RYR1: variants seen among roughly 807,000 people sequenced by gnomAD.
The protein encoded by RYR1 is central core disease of muscle.
In RYR1, 342 loss-of-function variants were observed where a neutral mutation model predicts 583.5. That is an observed-to-expected ratio of 0.59 (90% CI 0.54 to 0.64). The LOEUF is 0.64. Among genes scored for constraint, RYR1 ranks in the 30% least tolerant of loss-of-function variants. The probability of loss-of-function intolerance (pLI) is 0.00; values close to 1 mark genes in which losing one functional copy is unlikely to be tolerated. For synonymous variants in RYR1, 2,791 were observed against 2,822.5 expected (o/e 0.99, Z 0.35); for missense variants, 6,032 against 6,917.2 (o/e 0.87, Z 4.54).
chr19:38,485,282 G>T (rs568931909), intron 33 of RYR1, among the ~76,000 whole-genome samples: 1 of 152,190 alleles, frequency 6.6e-6, no homozygotes, highest in South Asian at 2.1e-4. Flanking sequence ...GGGACTTCCA[G>T]AACCATTGAA....
In RYR1 at chr19:38,502,383, G is replaced by A. The variant is rs1186858450; in HGVS notation, c.7615-124G>A. 1.2e-5 allele frequency: 10 copies of A among 864,882 alleles called. No individual in the cohort carries two copies. The South Asian group carries it at 1.3e-4, about 11-fold the overall frequency. 53.6% of individuals were successfully genotyped at this position (864,882 alleles called of 1,614,324 possible). A position where few individuals can be genotyped will look rare whatever the true frequency, so the allele number is the denominator to read the frequency against. On this transcript the variant is annotated intron_variant, in intron 47 of 105. Transcript: ENST00000359596. The stretch of plus-strand genomic sequence containing the variant: ...GGGTGGGAGGAGGGTGGTAGAGATT[G>A]GGAGGAGCAGGTTTTGGGGGAGTCA...
rs1193395241 is a variant in RYR1 at position 38,561,198 on chromosome 19, A to G, written c.12368A>G (p.Asn4123Ser). 1.2e-6 allele frequency: 2 copies of G among 1,614,076 alleles called. No homozygotes were observed. The highest frequency in any genetic ancestry group is 1.3e-5 in the African/African-American group (1 of 74,932). ...CSEADENEMI[N>S]CEEFANRFQE... ...GAAGCGGATGAGAACGAAATGATCAACTGCGAAGAGTTCGCCAACCGCTTC... is the reference window on the plus strand; with the variant it reads ...GAAGCGGATGAGAACGAAATGATCAGCTGCGAAGAGTTCGCCAACCGCTTC... Residue 4123 changes from asparagine (N) to serine (S), a missense_variant, in exon 90 of 106, where the codon AAC (asparagine) becomes AGC (serine). By Grantham distance (46) the Asn-to-Ser change is conservative. Transcript: ENST00000359596. This position sits in a 1 kb window ranked among gnomAD's most constrained non-coding sequence, Gnocchi z 4.8.
chr19:38,570,502 A>C, intron 93 of RYR1, 105 bp from the exon 94 acceptor site: 1 of 766,872 alleles, frequency 1.3e-6, no homozygotes, highest in Middle Eastern at 2.9e-4. Flanking sequence ...TGTAGGAAAG[A>C]TATTGAGAGC....
Position 38,455,446 on chromosome 19 carries a change from C to A in RYR1, c.1577-5C>A, listed in dbSNP as rs778100574. ...TATTGGATCTGACACCTCTTCCCCC[C>A]TCAGCTTCTCTAATCCGTGGCAATC... On this transcript the variant is annotated splice_region_variant and splice_polypyrimidine_tract_variant and intron_variant, in intron 14 of 105. Coordinates refer to ENST00000359596, the MANE Select transcript of RYR1 (RefSeq NM_000540.3). 1 of 1,614,204 alleles carries A rather than the reference C, an allele frequency of 6.2e-7. No homozygotes were observed. The highest frequency in any genetic ancestry group is 8.5e-7 in the Non-Finnish European group (1 of 1,180,030).
chr19:38,525,370 C>A lies in RYR1; in HGVS notation c.10494C>A (p.Arg3498=). ...ACCAGGAACGCACCAAGAAGAAGCG[C>A]CGGGGGGACCGGTACTCTGTGCAGA... ...GSDQERTKKK[R]RGDRYSVQTS... The change falls in exon 71 of 106, where the codon CGC becomes CGA. Residue 3498 remains arginine (R), a synonymous_variant. Coordinates refer to ENST00000359596, the MANE Select transcript of RYR1 (RefSeq NM_000540.3). 10 of 1,613,988 alleles carry A rather than the reference C, an allele frequency of 6.2e-6. No homozygotes were observed. Among genetic ancestry groups the A allele is most frequent in the Non-Finnish European group, 8.5e-6 (10 of 1,179,978 alleles).
At chr19:38,455,829 A>G in intron 16 of RYR1, 78 bp downstream of exon 16, 1 of 879,054 alleles carries the variant, frequency 1.1e-6, no homozygotes, top group Non-Finnish European at 1.9e-6. Context: ...AACTCTGCTC[A>G]CTCCCTCACT....
chr19:38,566,399 A>G (rs1469362435), intron 91 of RYR1, among the ~76,000 whole-genome samples: 8 of 139,948 alleles, frequency 5.7e-5, no homozygotes, highest in African/African-American at 2.1e-4. Context: ...CAGTGAGCCA[A>G]GATGGTGCCA....
rs371014065 is a variant in RYR1 at position 38,455,318 on chromosome 19, G to A, written c.1524G>A (p.Glu508=). The part of the protein sequence containing the change: ...TAAHFAEFAG[E]EAAESWKEIV... ...CCCACTTTGCTGAGTTTGCAGGGGA[G>A]GAGGCAGCCGAGTCCTGGAAAGAGA... The change falls in exon 14 of 106, where the codon GAG becomes GAA. Residue 508 remains glutamate, a synonymous_variant. Coordinates refer to ENST00000359596, the MANE Select transcript of RYR1 (RefSeq NM_000540.3). The A allele has an allele frequency of 3.7e-6, 6 of 1,613,994 alleles. No homozygotes were observed. The African/African-American group carries it at 8.0e-5, about 22-fold the overall frequency.
At chr19:38,485,498 T>G in intron 33 of RYR1, 92 bp from the exon 34 acceptor site, 1 of 1,508,522 alleles carries the variant, frequency 6.6e-7, no homozygotes, top group South Asian at 1.1e-5. Context: ...AATGGGTGGA[T>G]AGTGATGAAG....
At chr19:38,527,407 G>A (rs921586830) in intron 72 of RYR1, 9 of 571,144 alleles carry the variant, frequency 1.6e-5, no homozygotes, top group Admixed American at 8.9e-5. Context: ...CTACTCAGGA[G>A]GCTGAAGCAG....
intron 97 of RYR1, among the ~76,000 whole-genome samples, chr19:38,576,630 G>A (rs1973966711): frequency 6.6e-6 from 1 of 151,998 alleles, no homozygotes; most frequent in African/African-American, 2.4e-5. Flanking sequence ...TGGACAACAT[G>A]GCAAAACTGC....
intron 17 of RYR1, 119 bp downstream of exon 17, chr19:38,457,749 A>G: frequency 9.4e-7 from 1 of 1,058,280 alleles, no homozygotes; most frequent in South Asian, 1.3e-5. Flanking sequence ...GTTAACAACC[A>G]GTCCTCACAG....
intron 73 of RYR1, 109 bp downstream of exon 73, chr19:38,527,893 G>A: frequency 7.4e-7 from 1 of 1,355,648 alleles, no homozygotes; most frequent in Non-Finnish European, 1.0e-6. Flanking sequence ...AAGTTTTGGG[G>A]CAGGGCAGGA....
At position 38,565,328 on chromosome 19, in the gene RYR1, G is replaced by A. The variant is rs1973354227; in HGVS notation, c.12994G>A (p.Val4332Met). 8.4e-7 allele frequency: 1 copy of A among 1,183,458 alleles called. No individual in the cohort carries two copies. Among genetic ancestry groups the A allele is most frequent in the Non-Finnish European group, 1.0e-6 (1 of 958,332 alleles). 73.3% of individuals were successfully genotyped at this position (1,183,458 alleles called of 1,614,324 possible). The change falls in exon 91 of 106, where the codon GTG (valine) becomes ATG (methionine). Residue 4332 changes from valine (V) to methionine (M), a missense_variant. By Grantham distance (21) the Val-to-Met change is conservative. This residue lies in a region of RYR1 where 753 missense variants were observed against 759.6 expected (regional missense o/e 0.99). Transcript: ENST00000359596. This position sits in a 1 kb window ranked among gnomAD's most constrained non-coding sequence, Gnocchi z 4.7. ...TACGGCCCGCGAGGCGGCCACCGCA[G>A]TGGCGGCGCTGCTCTGGGCAGCAGT... is the stretch of plus-strand genomic sequence containing the variant. ...RLTAREAATAVAALLWAAVTR... is the reference protein window; with the variant it reads ...RLTAREAATAMAALLWAAVTR...
chr19:38,509,430 G>GTATTAT (rs995552797), intron 58 of RYR1, among the ~76,000 whole-genome samples: 1 of 139,956 alleles, frequency 7.1e-6, no homozygotes, highest in Non-Finnish European at 1.5e-5. Flanking sequence ...ATTGGAGCCA[G>GTATTAT]TATTATTATT....
intron 93 of RYR1, among the ~76,000 whole-genome samples, chr19:38,569,233 A>G (rs1000364309): frequency 2.0e-5 from 3 of 152,028 alleles, no homozygotes; most frequent in African/African-American, 7.2e-5. Flanking sequence ...AATGGCCTAG[A>G]TCTGACCTTG....
Position 38,499,387 on chromosome 19 carries a change from G to C in RYR1, c.7027+144G>C. 1 of 1,387,214 alleles carries C rather than the reference G, an allele frequency of 7.2e-7. No homozygotes were observed. The highest frequency in any genetic ancestry group is 2.3e-5 in the East Asian group (1 of 42,652). 85.9% of individuals were successfully genotyped at this position (1,387,214 alleles called of 1,614,324 possible). ...GCAGGCCTGGGGCTGGCAGGGGCCTGTGTTACCCCTGGAGGTGTTGGGTCC... is the reference window on the plus strand; with the variant it reads ...GCAGGCCTGGGGCTGGCAGGGGCCTCTGTTACCCCTGGAGGTGTTGGGTCC... On this transcript the variant is annotated intron_variant, in intron 43 of 105. Transcript: ENST00000359596. The surrounding 1 kb of genome is among the most constrained non-coding windows in gnomAD (Gnocchi z 7.3).
At chr19:38,478,374 G>A (rs1044185638) in intron 30 of RYR1, 61 bp from the exon 31 acceptor site, 8 of 1,581,736 alleles carry the variant, frequency 5.1e-6, no homozygotes, top group Non-Finnish European at 4.3e-6. Flanking sequence ...TGGGGAAGGG[G>A]GTGTCCAGGG....
chr19:38,515,158 G>A (rs1177447408), intron 64 of RYR1, 51 bp downstream of exon 64: 1 of 1,173,866 alleles, frequency 8.5e-7, no homozygotes, highest in Admixed American at 1.7e-5. Context: ...GAGGGGAAGG[G>A]AGGGAGCAGG....
Sources: allele counts gnomAD v4.1 joint callset (sites outside exome capture counted in the v4.1 genomes callset), GRCh38; gene constraint gnomAD v4.1.1; regional missense constraint gnomAD v4.1.1; non-coding constraint Gnocchi (gnomAD v3.1); transcripts MANE v1.5; gene names NCBI Gene and HGNC (gene_info 2026-07-23, HGNC 2026-07-21).